The following KCNQ1 variants were observed in gnomAD, a reference collection of about 807,000 sequenced individuals.
The protein encoded by KCNQ1 is potassium voltage-gated channel subfamily Q member 1.
A neutral mutation model predicts 72.4 loss-of-function variants in KCNQ1; 49 were observed. That is an observed-to-expected ratio of 0.68 (90% confidence interval 0.54 to 0.86). The LOEUF (loss-of-function observed/expected upper bound fraction) is 0.86. Among genes scored for constraint, KCNQ1 ranks in the 40% least tolerant of loss-of-function variants. KCNQ1 has a pLI of 0.00. For synonymous variants in KCNQ1, 450 were observed against 412.6 expected, an observed-to-expected ratio of 1.09 and a Z score of -1.10; for missense variants, 790 against 945.1, an observed-to-expected ratio of 0.84 and a Z score of 2.15.
chr11:2,561,089 C>T lies in KCNQ1; in HGVS notation c.478-9539C>T, dbSNP rs1414414002. 2.0e-5 allele frequency among the ~76,000 whole-genome samples: 3 copies of T among 151,348 alleles called. No homozygotes were observed. In the East Asian group the frequency reaches 5.8e-4, roughly 29 times the overall value. ...AGGTGGCGGGCGCCTGTAGTCCCAG[C>T]TACTCGGGAGGCTGAGGCAGTAGAA... On this transcript the variant is annotated intron_variant, in intron 2 of 15. Coordinates refer to ENST00000155840, the MANE Select transcript of KCNQ1 (RefSeq NM_000218.3).
In KCNQ1 at chr11:2,711,383, C is replaced by T. The variant is rs1338815795; in HGVS notation, c.1514+49302C>T. ...CCTGTCTTGCGCACTAATTGTTGCC[C>T]AAGTCTTTGCACATCCTGCATCCTG... On this transcript the variant is annotated intron_variant, in intron 11 of 15. Coordinates refer to ENST00000155840, the MANE Select transcript of KCNQ1 (RefSeq NM_000218.3). The surrounding 1 kb of genome is among the most constrained non-coding windows in gnomAD (Gnocchi z 5.4). Among the ~76,000 whole-genome samples, 4 of 152,172 alleles carry T rather than the reference C, an allele frequency of 2.6e-5. No individual in the cohort carries two copies. The highest frequency in any genetic ancestry group is 5.9e-5 in the Non-Finnish European group (4 of 68,044).
intron 2 of KCNQ1, among the ~76,000 whole-genome samples, chr11:2,554,020 A>G (rs1353065118): frequency 2.6e-5 from 4 of 152,178 alleles, no homozygotes; most frequent in Non-Finnish European, 4.4e-5. Context: ...CCCAGCTGTC[A>G]TGATGCGTTT....
At chr11:2,542,590 T>C (rs1847845931) in intron 2 of KCNQ1, among the ~76,000 whole-genome samples, 1 of 152,198 alleles carries the variant, frequency 6.6e-6, no homozygotes. Context: ...CCAGAAGGCT[T>C]CTCGCTCCCG....
At chr11:2,792,635 G>A (rs1450054784) in intron 15 of KCNQ1, among the ~76,000 whole-genome samples, 2 of 152,070 alleles carry the variant, frequency 1.3e-5, no homozygotes, top group Non-Finnish European at 2.9e-5. Flanking sequence ...GGGCACAGCG[G>A]TTGTGGGGTG....
At chr11:2,460,224 C>T (rs764393415) in intron 1 of KCNQ1, among the ~76,000 whole-genome samples, 73 of 152,312 alleles carry the variant, frequency 4.8e-4, no homozygotes, top group African/African-American at 1.7e-3. Context: ...CCCTGCGTGA[C>T]CTGATTCTCT....
chr11:2,707,578 C>T (rs1246694996), intron 11 of KCNQ1, among the ~76,000 whole-genome samples: 1 of 152,120 alleles, frequency 6.6e-6, no homozygotes, highest in Non-Finnish European at 1.5e-5. Context: ...CCCAGGAGAG[C>T]GATAAATGGA....
At chr11:2,467,464 G>A (rs1424631181) in intron 1 of KCNQ1, among the ~76,000 whole-genome samples, 2 of 152,178 alleles carry the variant, frequency 1.3e-5, no homozygotes, top group African/African-American at 4.8e-5. Flanking sequence ...TGGTGTGGCC[G>A]GGGGCTCAGC....
At position 2,526,933 on chromosome 11, in the gene KCNQ1, C is replaced by T. The variant is rs1476535101; in HGVS notation, c.387-995C>T. Among the ~76,000 whole-genome samples, 2 of 152,076 alleles carry T rather than the reference C, an allele frequency of 1.3e-5. No homozygotes were observed. Among genetic ancestry groups the T allele is most frequent in the Non-Finnish European group, 2.9e-5 (2 of 67,980 alleles). On this transcript the variant is annotated intron_variant, in intron 1 of 15. Transcript: ENST00000155840. This position sits in a 1 kb window ranked among gnomAD's most constrained non-coding sequence, Gnocchi z 6.1. ...TTTGTGTCTCCCCTGGCCCTGGGGG[C>T]CATGTGGCCATCTCCTGGCTCTCCG...
At position 2,670,225 on chromosome 11, in the gene KCNQ1, G is replaced by C. The variant is rs897179432; in HGVS notation, c.1514+8144G>C. ...GCAGGGCGAGCTGTGTAGCTCACCT[G>C]CCTTTGACCCTGCACATGACGGGCG... On this transcript the variant is annotated intron_variant, in intron 11 of 15. Transcript: ENST00000155840. The surrounding 1 kb of genome is among the most constrained non-coding windows in gnomAD (Gnocchi z 4.9). 28 of 398,484 alleles carry C rather than the reference G, an allele frequency of 7.0e-5. No homozygotes were observed. The highest frequency in any genetic ancestry group is 6.2e-4 in the Middle Eastern group (1 of 1,610). The allele number at this position is 398,484 out of a possible 1,614,324, so 24.7% of individuals were successfully genotyped here. A position where few individuals can be genotyped will look rare whatever the true frequency, so the allele number is the denominator to read the frequency against.
chr11:2,754,631 T>C (rs1846272244), intron 11 of KCNQ1, among the ~76,000 whole-genome samples: 1 of 152,150 alleles, frequency 6.6e-6, no homozygotes. Flanking sequence ...GTTGCTGGAA[T>C]CAATCATCCT....
Position 2,653,383 on chromosome 11 carries a change from A to G in KCNQ1, c.1394-8578A>G. The G allele has an allele frequency of 2.5e-6, 1 of 398,748 alleles. No individual in the cohort carries two copies. The highest frequency in any genetic ancestry group is 4.4e-6 in the Non-Finnish European group (1 of 226,130). 24.7% of individuals were successfully genotyped at this position (398,748 alleles called of 1,614,324 possible). On this transcript the variant is annotated intron_variant, in intron 10 of 15. Transcript: ENST00000155840. This position sits in a 1 kb window ranked among gnomAD's most constrained non-coding sequence, Gnocchi z 5.3. Reference sequence around the variant, plus strand: ...CCAACTTTGTCATGCACATTCCTGAAGACTCTCTTGGTAACAAATGATGGA... The same window carrying G: ...CCAACTTTGTCATGCACATTCCTGAGGACTCTCTTGGTAACAAATGATGGA...
In KCNQ1 at chr11:2,468,019, A is replaced by G. The variant is rs951629801; in HGVS notation, c.386+22535A>G. Among the ~76,000 whole-genome samples the G allele has an allele frequency of 3.3e-5, 5 of 152,210 alleles. No homozygotes were observed. Among genetic ancestry groups the G allele is most frequent in the Non-Finnish European group, 4.4e-5 (3 of 68,014 alleles). On this transcript the variant is annotated intron_variant, in intron 1 of 15. Coordinates refer to ENST00000155840, the MANE Select transcript of KCNQ1 (RefSeq NM_000218.3). This position sits in a 1 kb window ranked among gnomAD's most constrained non-coding sequence, Gnocchi z 5.7. ...TGTGCCTCTGCATTTCCTTTACCCCATCTGTAAAATAGGGATAACAGCAGC... is the reference window on the plus strand; with the variant it reads ...TGTGCCTCTGCATTTCCTTTACCCCGTCTGTAAAATAGGGATAACAGCAGC...
rs553593583 is a variant in KCNQ1 at position 2,538,497 on chromosome 11, G to C, written c.477+10479G>C. ...CCAGGACCGCGGTTGACAGGGTTTG[G>C]ATTGGCTGCGTTCCTGTCTGAAGGC... On this transcript the variant is annotated intron_variant, in intron 2 of 15. Transcript: ENST00000155840. The surrounding 1 kb of genome is among the most constrained non-coding windows in gnomAD (Gnocchi z 6.7). Among the ~76,000 whole-genome samples, 27 of 152,206 alleles carry C rather than the reference G, an allele frequency of 1.8e-4. No individual in the cohort carries two copies. The highest frequency in any genetic ancestry group is 3.4e-4 in the Non-Finnish European group (23 of 68,038).
intron 15 of KCNQ1, among the ~76,000 whole-genome samples, chr11:2,794,257 T>A (rs1012966289): frequency 1.3e-5 from 2 of 152,050 alleles, no homozygotes; most frequent in Non-Finnish European, 2.9e-5. Flanking sequence ...GCCCCACCGA[T>A]GAGAACAAGC....
At position 2,720,514 on chromosome 11, in the gene KCNQ1, G is replaced by T. The variant is rs988807141; in HGVS notation, c.1515-48330G>T. Among the ~76,000 whole-genome samples the T allele has an allele frequency of 1.5e-4, 23 of 152,112 alleles. No homozygotes were observed. Among genetic ancestry groups the T allele is most frequent in the African/African-American group, 5.3e-4 (22 of 41,420 alleles). On this transcript the variant is annotated intron_variant, in intron 11 of 15. Coordinates refer to ENST00000155840, the MANE Select transcript of KCNQ1 (RefSeq NM_000218.3). The surrounding 1 kb of genome is among the most constrained non-coding windows in gnomAD (Gnocchi z 5.1). Reference sequence around the variant, plus strand: ...CTGGCCTCTCTCTGTAAGGGGAGAGGGACCCAGGGCTGACCAGAGCAAGCA... The same window carrying T: ...CTGGCCTCTCTCTGTAAGGGGAGAGTGACCCAGGGCTGACCAGAGCAAGCA...
rs149170774 is a variant in KCNQ1 at position 2,719,892 on chromosome 11, C to A, written c.1515-48952C>A. Reference sequence around the variant, plus strand: ...TCCATCATTTTCAGTGACAGAAAGACGGAAATGGACACAGATCAAACCTGC... The same window carrying A: ...TCCATCATTTTCAGTGACAGAAAGAAGGAAATGGACACAGATCAAACCTGC... On this transcript the variant is annotated intron_variant, in intron 11 of 15. Coordinates refer to ENST00000155840, the MANE Select transcript of KCNQ1 (RefSeq NM_000218.3). 2.0e-5 allele frequency among the ~76,000 whole-genome samples: 3 copies of A among 152,218 alleles called. No homozygotes were observed. In the South Asian group the frequency reaches 6.2e-4, roughly 32 times the overall value.
chr11:2,840,915 A>G (rs1474226251), intron 15 of KCNQ1, among the ~76,000 whole-genome samples: 2 of 152,150 alleles, frequency 1.3e-5, no homozygotes, highest in East Asian at 1.9e-4. Context: ...TACTAATTCA[A>G]CAAACATTTG....
At position 2,521,969 on chromosome 11, in the gene KCNQ1, C is replaced by T. The variant is rs373398043; in HGVS notation, c.387-5959C>T. The stretch of plus-strand genomic sequence containing the variant: ...GGAGCCCACCCAGGCCCGCTGCCTG[C>T]ACCCCGGGGGAGCCCTCCCACAGCG... On this transcript the variant is annotated intron_variant, in intron 1 of 15. Transcript: ENST00000155840. Among the ~76,000 whole-genome samples, 26 of 152,376 alleles carry T rather than the reference C, an allele frequency of 1.7e-4. No homozygotes were observed. The East Asian group carries it at 4.6e-3, about 27-fold the overall frequency.
chr11:2,729,106 G>A (rs1419509209), intron 11 of KCNQ1, among the ~76,000 whole-genome samples: 5 of 152,220 alleles, frequency 3.3e-5, no homozygotes, highest in Admixed American at 6.5e-5. Context: ...AAGGGCGCTC[G>A]GGCCAGGAAC....
Sources: gnomAD v4.1 joint callset for allele counts (sites outside exome capture counted in the v4.1 genomes callset) on GRCh38, gnomAD v4.1.1 for gene constraint, Gnocchi (gnomAD v3.1) non-coding constraint, MANE v1.5 for transcripts, NCBI Gene and HGNC (gene_info 2026-07-23, HGNC 2026-07-21) for gene names.